The following FOXN1 variants were observed in gnomAD, a reference collection of about 807,000 sequenced individuals.
FOXN1 encodes the protein forkhead box protein N1.
FOXN1 carries 15 observed loss-of-function variants against 49.0 expected under a neutral mutation model. That is an observed-to-expected ratio of 0.31 (90% CI 0.20 to 0.47). FOXN1 has a LOEUF of 0.47. FOXN1 is among the 20% of genes least tolerant of loss of function. The pLI is 1.00. For synonymous variants in FOXN1, 356 were observed against 369.0 expected (o/e 0.96, Z 0.40); for missense variants, 800 against 842.8 (o/e 0.95, Z 0.63).
At chr17:28,532,614 C>T (rs551179799) in intron 6 of FOXN1, among the ~76,000 whole-genome samples, 9 of 152,328 alleles carry the variant, frequency 5.9e-5, no homozygotes, top group Admixed American at 5.2e-4. Context: ...TTCAAAGATC[C>T]CCCACCTCTT....
At chr17:28,522,514 G>A (rs1180540595) in intron 1 of FOXN1, among the ~76,000 whole-genome samples, 2 of 152,164 alleles carry the variant, frequency 1.3e-5, no homozygotes, top group African/African-American at 2.4e-5. Context: ...AGGCATGGTG[G>A]CATGTGCCTG....
intron 5 of FOXN1, among the ~76,000 whole-genome samples, chr17:28,529,816 T>C (rs889614337): frequency 2.6e-5 from 4 of 152,056 alleles, no homozygotes; most frequent in Non-Finnish European, 5.9e-5. Context: ...TAGTGTGAGC[T>C]GAGGGGAAGG....
chr17:28,530,307 A>G (rs1597560277), intron 5 of FOXN1, among the ~76,000 whole-genome samples: 1 of 152,224 alleles, frequency 6.6e-6, no homozygotes, highest in East Asian at 1.9e-4. Flanking sequence ...GGTACATTGC[A>G]TAGGCTCAAG....
At chr17:28,512,148 G>T (rs1396415771) in intron 1 of FOXN1, among the ~76,000 whole-genome samples, 1 of 152,226 alleles carries the variant, frequency 6.6e-6, no homozygotes, top group Non-Finnish European at 1.5e-5. Context: ...GCTGGAGGAA[G>T]CTTGTTGAGG....
intron 6 of FOXN1, 88 bp downstream of exon 6, chr17:28,530,933 G>C: frequency 1.2e-6 from 1 of 815,264 alleles, no homozygotes; most frequent in South Asian, 1.4e-5. Context: ...CTGGAGGTGG[G>C]AGAAGAATTA....
At chr17:28,526,910 C>T (rs2069782394) in intron 3 of FOXN1, among the ~76,000 whole-genome samples, 2 of 152,098 alleles carry the variant, frequency 1.3e-5, no homozygotes, top group Non-Finnish European at 2.9e-5. Flanking sequence ...CTGAGTCAGG[C>T]GTGTCGAGTG....
intron 4 of FOXN1, 67 bp from the exon 5 acceptor site, chr17:28,529,027 G>T (rs895980861): frequency 6.3e-7 from 1 of 1,598,760 alleles, no homozygotes; most frequent in African/African-American, 1.3e-5. Flanking sequence ...TATATAAATG[G>T]GGAGGAGGGC....
intron 4 of FOXN1, among the ~76,000 whole-genome samples, chr17:28,528,364 G>A (rs1186525230): frequency 1.3e-5 from 2 of 152,126 alleles, no homozygotes; most frequent in Non-Finnish European, 1.5e-5. Context: ...AAGGACTAAG[G>A]GGCCACCAGA....
chr17:28,536,890 G>A (rs1488182731), intron 8 of FOXN1, among the ~76,000 whole-genome samples: 1 of 152,044 alleles, frequency 6.6e-6, no homozygotes, highest in African/African-American at 2.4e-5. Context: ...GAACCACAGA[G>A]GTCATCTAGA....
intron 1 of FOXN1, among the ~76,000 whole-genome samples, chr17:28,519,385 G>A (rs541933309): frequency 6.6e-6 from 1 of 152,152 alleles, no homozygotes; most frequent in Admixed American, 6.5e-5. Flanking sequence ...GTGGAACTGC[G>A]GCAAAGGGAC....
intron 4 of FOXN1, among the ~76,000 whole-genome samples, chr17:28,527,812 G>T (rs564548596): frequency 2.0e-5 from 3 of 152,214 alleles, no homozygotes; most frequent in Non-Finnish European, 4.4e-5. Flanking sequence ...TAGAAAGGGT[G>T]GGCACCCAGT....
At chr17:28,512,662 G>T (rs2069417137) in intron 1 of FOXN1, among the ~76,000 whole-genome samples, 2 of 152,204 alleles carry the variant, frequency 1.3e-5, no homozygotes, top group South Asian at 4.1e-4. Flanking sequence ...GTCCAAGGGG[G>T]TTTTATGTTT....
chr17:28,529,028 G>A (rs2069841465), intron 4 of FOXN1, 66 bp from the exon 5 acceptor site: 3 of 1,601,460 alleles, frequency 1.9e-6, no homozygotes, highest in East Asian at 4.5e-5. Context: ...ATATAAATGG[G>A]GAGGAGGGCC....
intron 6 of FOXN1, among the ~76,000 whole-genome samples, chr17:28,533,876 T>C (rs1167840402): frequency 1.3e-5 from 2 of 152,134 alleles, no homozygotes; most frequent in Admixed American, 1.3e-4. Context: ...GAGAGGAGCA[T>C]TCTTCCCCTA....
In FOXN1 at chr17:28,535,204, C is replaced by T. The variant is rs752486885; in HGVS notation, c.1627+6C>T. ...CACTGACTTCGACTTCCAGGGTGAG[C>T]TGGGGGTGGGAAAGGGAAGGTGGGA... On this transcript the variant is annotated splice_donor_region_variant and intron_variant, in intron 8 of 8. Transcript: ENST00000579795. The T allele has an allele frequency of 1.2e-5, 19 of 1,612,444 alleles. No individual in the cohort carries two copies. The highest frequency in any genetic ancestry group is 1.6e-5 in the Non-Finnish European group (19 of 1,179,864).
chr17:28,535,548 G>A (rs1448865961), intron 8 of FOXN1, among the ~76,000 whole-genome samples: 1 of 152,148 alleles, frequency 6.6e-6, no homozygotes, highest in Non-Finnish European at 1.5e-5. Context: ...TCAGGCATTC[G>A]AGACCAGCTT....
chr17:28,524,929 C>T lies in FOXN1; in HGVS notation c.550C>T (p.Leu184Phe). The T allele has an allele frequency of 6.2e-7, 1 of 1,612,420 alleles. No homozygotes were observed. Among genetic ancestry groups the T allele is most frequent in the Non-Finnish European group, 8.5e-7 (1 of 1,179,976 alleles). ...CTCAGCAGAGGCCTGGTGTAACGGG[C>T]TCCCCTACCCCAGCCAGGAGCATGG... ...GFSAEAWCNG[L>F]PYPSQEHGPQ... The change falls in exon 3 of 9, where the codon CTC (leucine) becomes TTC (phenylalanine). Residue 184 changes from leucine (L) to phenylalanine (F), a missense_variant. By Grantham distance (22) the Leu-to-Phe change is conservative. This residue lies in a region of FOXN1 where 383 missense variants were observed against 357.9 expected (regional missense o/e 1.07). Coordinates refer to ENST00000579795, the MANE Select transcript of FOXN1 (RefSeq NM_001369369.1).
At chr17:28,516,501 CCATACCGCCACAGAGTA>C (rs2069504988) in intron 1 of FOXN1, among the ~76,000 whole-genome samples, 2 of 147,796 alleles carry the variant, frequency 1.4e-5, no homozygotes, top group Non-Finnish European at 3.0e-5. Context: ...TCCACAGGAT[CCATACCGCCACAGAGTA>C]CACACCTCCA....
intron 1 of FOXN1, among the ~76,000 whole-genome samples, chr17:28,515,890 T>C (rs2069483799): frequency 1.5e-5 from 2 of 136,700 alleles, no homozygotes; most frequent in Middle Eastern, 5.0e-3. Context: ...GGTGAACATA[T>C]CTCTACAGTG....
Sources: allele counts gnomAD v4.1 joint callset (sites outside exome capture counted in the v4.1 genomes callset), GRCh38; gene constraint gnomAD v4.1.1; regional missense constraint gnomAD v4.1.1; transcripts MANE v1.5; gene names NCBI Gene and HGNC (gene_info 2026-07-23, HGNC 2026-07-21).